PDILT: variants seen among roughly 807,000 people sequenced by gnomAD.
PDILT encodes protein disulfide isomerase like, testis expressed.
Under a neutral mutation model 53.7 loss-of-function variants are expected in PDILT, and 43 were observed. The observed-to-expected ratio is 0.80, with a 90% CI of 0.63 to 1.03. The LOEUF (loss-of-function observed/expected upper bound fraction) is 1.03, where lower values mean the gene tolerates loss of function less well. Ranked by LOEUF, PDILT falls within the 50% of genes least tolerant of loss-of-function variation. PDILT has a pLI of 0.00. For missense variants in PDILT, 727 were observed against 712.3 expected (o/e 1.02, Z -0.24); for synonymous variants, 282 against 274.2 (o/e 1.03, Z -0.28).
At chr16:20,364,446 A>T (rs1966160000) in intron 9 of PDILT, among the ~76,000 whole-genome samples, 1 of 152,208 alleles carries the variant, frequency 6.6e-6, no homozygotes, top group Non-Finnish European at 1.5e-5. Flanking sequence ...TGTGTGACCT[A>T]GGGTAAGATC....
chr16:20,401,467 C>T (rs1194032201), intron 1 of PDILT, among the ~76,000 whole-genome samples: 2 of 152,124 alleles, frequency 1.3e-5, no homozygotes, highest in Admixed American at 6.5e-5. Flanking sequence ...GTGACATAAA[C>T]GTAAGGTAGG....
rs1448667472 is a variant in PDILT, at chr16:20,369,495, G to A, written c.1113C>T (p.Ala371=). The A allele has an allele frequency of 1.2e-6, 2 of 1,613,378 alleles. No homozygotes were observed. Among genetic ancestry groups the A allele is most frequent in the African/African-American group, 2.7e-5 (2 of 74,914 alleles). The change falls in exon 8 of 12, where the codon GCC becomes GCT. Residue 371 remains alanine (A), a synonymous_variant. Coordinates refer to ENST00000302451, the MANE Select transcript of PDILT (RefSeq NM_174924.2). ...CCTTGTCCAAGAAAAAACCTACTGT[G>A]GCATTTTTACTCAGGAAGCTGCGGC... The part of the protein sequence containing the change: ...KFGRSFLSKN[A]TKHQSSEEIP...
intron 1 of PDILT, among the ~76,000 whole-genome samples, chr16:20,403,832 C>T (rs971217545): frequency 3.9e-5 from 6 of 152,114 alleles, no homozygotes; most frequent in African/African-American, 1.2e-4. Flanking sequence ...TCTTCCCTTT[C>T]CCAAGCACAC....
At chr16:20,389,129 G>A (rs959188704) in intron 2 of PDILT, among the ~76,000 whole-genome samples, 5 of 152,162 alleles carry the variant, frequency 3.3e-5, no homozygotes, top group African/African-American at 4.8e-5. Flanking sequence ...TAGATAGGCA[G>A]AGGCCAAGGG....
At chr16:20,383,131 A>T (rs1041876473) in intron 3 of PDILT, among the ~76,000 whole-genome samples, 7 of 152,168 alleles carry the variant, frequency 4.6e-5, no homozygotes, top group African/African-American at 1.7e-4. Flanking sequence ...CTCAGAAGTC[A>T]AATGCCTTGG....
Position 20,364,087 on chromosome 16 carries a change from C to T in PDILT, c.1237+1333G>A, listed in dbSNP as rs550659331. Among the ~76,000 whole-genome samples, 38 of 152,328 alleles carry T rather than the reference C, an allele frequency of 2.5e-4. No individual in the cohort carries two copies. The South Asian group carries it at 7.5e-3, about 30-fold the overall frequency. On this transcript the variant is annotated intron_variant, in intron 9 of 11. Coordinates refer to ENST00000302451, the MANE Select transcript of PDILT (RefSeq NM_174924.2). ...CTCTGGCAGCCCCCCTAGCACTCAG[C>T]GGGTCCTGGGTCAGAACAGGAGGGG...
chr16:20,364,227 T>G (rs4280249), intron 9 of PDILT, among the ~76,000 whole-genome samples: 86,646 of 152,148 alleles, frequency 0.57, 25,420 homozygotes, highest in Middle Eastern at 0.62. Context: ...TGGGTGTGAC[T>G]TAAGTACAGA....
At chr16:20,398,774 C>T (rs910943933) in intron 2 of PDILT, among the ~76,000 whole-genome samples, 3 of 152,166 alleles carry the variant, frequency 2.0e-5, no homozygotes, top group African/African-American at 7.2e-5. Flanking sequence ...ATTAGGTTCA[C>T]ACCCATTTTA....
intron 2 of PDILT, among the ~76,000 whole-genome samples, chr16:20,387,990 C>A (rs1436270056): frequency 6.6e-6 from 1 of 152,120 alleles, no homozygotes; most frequent in East Asian, 1.9e-4. Flanking sequence ...ATGGTGATGG[C>A]TTTGGGCCAG....
intron 9 of PDILT, among the ~76,000 whole-genome samples, chr16:20,364,550 G>A (rs542043720): frequency 1.3e-5 from 2 of 152,146 alleles, no homozygotes; most frequent in East Asian, 1.9e-4. Flanking sequence ...ATTAGAGCAG[G>A]TGTGTCAACA....
chr16:20,376,144 G>C lies in PDILT; in HGVS notation c.467C>G (p.Ala156Gly), dbSNP rs765738970. ...CTGCTCGCTGCTGTTGAACAAAAAT[G>C]CTTTCTGGCTAATTTGTCGTCTCAA... is the stretch of plus-strand genomic sequence containing the variant. ...VWLRRQISQK[A>G]FLFNSSEQVA... Residue 156 changes from alanine (A) to glycine (G), a missense_variant, in exon 4 of 12, where the codon GCA (alanine) becomes GGA (glycine). Physicochemically the swap from Ala to Gly is moderately conservative, Grantham distance 60 (BLOSUM62 0). Transcript: ENST00000302451. 2.5e-6 allele frequency: 4 copies of C among 1,614,176 alleles called. No individual in the cohort carries two copies. In the Admixed American group the frequency reaches 6.7e-5, roughly 27 times the overall value.
chr16:20,366,114 T>C (rs1351833915), intron 8 of PDILT, among the ~76,000 whole-genome samples: 3 of 149,504 alleles, frequency 2.0e-5, no homozygotes. Context: ...AAAAAAAAAT[T>C]AGTTGTCCTC....
chr16:20,372,053 T>C (rs970228010), intron 7 of PDILT, among the ~76,000 whole-genome samples: 1 of 152,206 alleles, frequency 6.6e-6, no homozygotes, highest in Non-Finnish European at 1.5e-5. Flanking sequence ...TTATACTTCC[T>C]ATAAAGATGA....
chr16:20,360,814 A>C (rs1249389031), intron 10 of PDILT, among the ~76,000 whole-genome samples, 157 bp from the exon 11 acceptor site: 1 of 152,146 alleles, frequency 6.6e-6, no homozygotes, highest in African/African-American at 2.4e-5. Flanking sequence ...CATGGTTCCA[A>C]GGGAAGGATA....
intron 2 of PDILT, among the ~76,000 whole-genome samples, chr16:20,395,919 C>T (rs1966656878): frequency 6.6e-6 from 1 of 152,216 alleles, no homozygotes; most frequent in Non-Finnish European, 1.5e-5. Context: ...CAACTTACAA[C>T]CAGCAGAGTT....
chr16:20,369,477 C>G lies in PDILT; in HGVS notation c.1116+15G>C, dbSNP rs1567321799. 1.2e-6 allele frequency: 2 copies of G among 1,610,376 alleles called. No individual in the cohort carries two copies. Among genetic ancestry groups the G allele is most frequent in the Admixed American group, 3.3e-5 (2 of 59,994 alleles). Reference sequence around the variant, plus strand: ...TTTGAGGTTCTGGATAAACCTTGTCCAAGAAAAAACCTACTGTGGCATTTT... The same window carrying G: ...TTTGAGGTTCTGGATAAACCTTGTCGAAGAAAAAACCTACTGTGGCATTTT... On this transcript the variant is annotated intron_variant, in intron 8 of 11. Coordinates refer to ENST00000302451, the MANE Select transcript of PDILT (RefSeq NM_174924.2).
At chr16:20,395,383 T>G (rs1193964313) in intron 2 of PDILT, among the ~76,000 whole-genome samples, 1 of 152,214 alleles carries the variant, frequency 6.6e-6, no homozygotes, top group Non-Finnish European at 1.5e-5. Context: ...TATCCCTTTG[T>G]TGTTTGCCCA....
intron 1 of PDILT, among the ~76,000 whole-genome samples, chr16:20,402,176 G>C (rs1966750232): frequency 6.6e-6 from 1 of 152,228 alleles, no homozygotes; most frequent in South Asian, 2.1e-4. Flanking sequence ...TTAGTAGTGG[G>C]AAATGCAGTG....
intron 2 of PDILT, among the ~76,000 whole-genome samples, chr16:20,393,888 T>A (rs1966633359): frequency 6.6e-6 from 1 of 152,214 alleles, no homozygotes; most frequent in Non-Finnish European, 1.5e-5. Flanking sequence ...GTCTTCTGAT[T>A]TTTTGAAGAG....
Sources: allele counts gnomAD v4.1 joint callset (sites outside exome capture counted in the v4.1 genomes callset), GRCh38; gene constraint gnomAD v4.1.1; transcripts MANE v1.5; gene names NCBI Gene and HGNC (gene_info 2026-07-23, HGNC 2026-07-21).